The following RFTN1 variants were observed in gnomAD, a reference collection of about 807,000 sequenced individuals.
RFTN1 encodes the protein raftlin.
Under a neutral mutation model 46.5 loss-of-function variants are expected in RFTN1, and 26 were observed. The observed-to-expected ratio is 0.56, with a 90% CI of 0.41 to 0.78. RFTN1 has a LOEUF of 0.78. Ranked by LOEUF, RFTN1 falls within the 30% of genes least tolerant of loss-of-function variation. RFTN1 has a pLI of 0.00. For missense variants in RFTN1, 693 were observed against 718.7 expected (o/e 0.96, Z 0.41); for synonymous variants, 261 against 284.2 (o/e 0.92, Z 0.82).
rs147414572 is a variant in RFTN1, at chr3:16,400,803, G to C, written c.441+8572C>G. On this transcript the variant is annotated intron_variant, in intron 4 of 9. Coordinates refer to ENST00000334133, the MANE Select transcript of RFTN1 (RefSeq NM_015150.2). The surrounding 1 kb of genome is among the most constrained non-coding windows in gnomAD (Gnocchi z 4.5). Reference sequence around the variant, plus strand: ...AGGATCAAGAGAGGCCAGGGTGGGAGAGGAACTTCATAAGAAAACAGCGGC... The same window carrying C: ...AGGATCAAGAGAGGCCAGGGTGGGACAGGAACTTCATAAGAAAACAGCGGC... 8.1e-3 allele frequency among the ~76,000 whole-genome samples: 1,234 copies of C among 152,260 alleles called. 11 individuals carry two copies. The highest frequency in any genetic ancestry group is 0.011 in the Non-Finnish European group (771 of 68,010).
chr3:16,335,794 AAG>A lies in RFTN1; in HGVS notation c.1147-8920_1147-8919del, dbSNP rs1559829038. On this transcript the variant is annotated intron_variant, in intron 7 of 9. Coordinates refer to ENST00000334133, the MANE Select transcript of RFTN1 (RefSeq NM_015150.2). This position sits in a 1 kb window ranked among gnomAD's most constrained non-coding sequence, Gnocchi z 4.7. ...GGAACTTTAAAAAAAAAAAAAAAAAAAGGAGTTTGATCACACCATCAAATATC... is the reference window on the plus strand; with the variant it reads ...GGAACTTTAAAAAAAAAAAAAAAAAAGAGTTTGATCACACCATCAAATATC... Among the ~76,000 whole-genome samples, 8 of 140,146 alleles carry A rather than the reference AAG, an allele frequency of 5.7e-5. No individual in the cohort carries two copies. The allele number at this position is 140,146 out of a possible 152,430, so 91.9% of individuals were successfully genotyped here.
chr3:16,476,443 T>C lies in RFTN1; in HGVS notation c.145+17282A>G, dbSNP rs115727564. Among the ~76,000 whole-genome samples the C allele has an allele frequency of 1.3e-3, 205 of 152,190 alleles. 1 individual carries two copies. Among genetic ancestry groups the C allele is most frequent in the Middle Eastern group, 6.8e-3 (2 of 294 alleles). On this transcript the variant is annotated intron_variant, in intron 2 of 9. Transcript: ENST00000334133. Reference sequence around the variant, plus strand: ...GACATGGTAAATACCACATAAACAATAATATGATTTCAGATGATCGTAAGT... The same window carrying C: ...GACATGGTAAATACCACATAAACAACAATATGATTTCAGATGATCGTAAGT...
chr3:16,421,745 T>G lies in RFTN1; in HGVS notation c.332+12106A>C, dbSNP rs1053821451. ...ATTTCCACATGAGAGAGAGAAGGAT[T>G]TTACATTTACATTACGGGTATTCTC... On this transcript the variant is annotated intron_variant, in intron 3 of 9. Transcript: ENST00000334133. This position sits in a 1 kb window ranked among gnomAD's most constrained non-coding sequence, Gnocchi z 4.6. 1.3e-5 allele frequency among the ~76,000 whole-genome samples: 2 copies of G among 152,146 alleles called. No individual in the cohort carries two copies. The highest frequency in any genetic ancestry group is 4.8e-5 in the African/African-American group (2 of 41,410).
In RFTN1 at chr3:16,507,478, C is replaced by A. The variant is rs1438437940; in HGVS notation, c.-9+5964G>T. ...TCTATGATTAACCAAATCTCTTACC[C>A]AACTTTCTGAGTAAAATCTATTACA... On this transcript the variant is annotated intron_variant, in intron 1 of 9. Transcript: ENST00000334133. This position sits in a 1 kb window ranked among gnomAD's most constrained non-coding sequence, Gnocchi z 7.1. 6.6e-6 allele frequency among the ~76,000 whole-genome samples: 1 copy of A among 152,094 alleles called. No homozygotes were observed. The highest frequency in any genetic ancestry group is 1.5e-5 in the Non-Finnish European group (1 of 68,018).
At chr3:16,415,262 G>A (rs913894798) in intron 3 of RFTN1, among the ~76,000 whole-genome samples, 6 of 151,900 alleles carry the variant, frequency 3.9e-5, no homozygotes, top group African/African-American at 1.5e-4. Flanking sequence ...TTAGCAACTG[G>A]GAGAATGGAT....
chr3:16,357,753 C>A (rs769487632), intron 7 of RFTN1, among the ~76,000 whole-genome samples, 179 bp downstream of exon 7: 1 of 152,060 alleles, frequency 6.6e-6, no homozygotes, highest in Non-Finnish European at 1.5e-5. Context: ...CCCACCCCTA[C>A]CTGGGGGTGG....
rs1244683039 is a variant in RFTN1 at position 16,512,400 on chromosome 3, CAG to C, written c.-9+1040_-9+1041del. On this transcript the variant is annotated intron_variant, in intron 1 of 9. Coordinates refer to ENST00000334133, the MANE Select transcript of RFTN1 (RefSeq NM_015150.2). This position sits in a 1 kb window ranked among gnomAD's most constrained non-coding sequence, Gnocchi z 4.3. ...TGCTGGAAACTGGGGTGACCACTGA[CAG>C]AGATTGAGCCAGACTTTTTTTTTAA... Among the ~76,000 whole-genome samples the C allele has an allele frequency of 1.4e-5, 2 of 146,580 alleles. No homozygotes were observed. The highest frequency in any genetic ancestry group is 2.0e-4 in the East Asian group (1 of 5,016).
rs1232913808 is a variant in RFTN1, at chr3:16,410,610, T to A, written c.333-1127A>T. ...AATTAAAGATGCATTAAAGAAAGAC[T>A]ACTGAGCAACTAAAAGAAATTCTGG... On this transcript the variant is annotated intron_variant, in intron 3 of 9. Coordinates refer to ENST00000334133, the MANE Select transcript of RFTN1 (RefSeq NM_015150.2). The surrounding 1 kb of genome is among the most constrained non-coding windows in gnomAD (Gnocchi z 4.6). Among the ~76,000 whole-genome samples the A allele has an allele frequency of 6.6e-6, 1 of 152,174 alleles. No homozygotes were observed. Among genetic ancestry groups the A allele is most frequent in the Non-Finnish European group, 1.5e-5 (1 of 68,022 alleles).
In RFTN1 at chr3:16,410,224, C is replaced by A. The variant is rs1041469957; in HGVS notation, c.333-741G>T. Among the ~76,000 whole-genome samples the A allele has an allele frequency of 2.7e-5, 2 of 75,050 alleles. No individual in the cohort carries two copies. The highest frequency in any genetic ancestry group is 6.3e-3 in the Middle Eastern group (1 of 158). The allele number at this position is 75,050 out of a possible 152,430, so 49.2% of individuals were successfully genotyped here. A position where few individuals can be genotyped will look rare whatever the true frequency, so the allele number is the denominator to read the frequency against. ...AGCTTACATGTTATACACACACACA[C>A]ACACACACACACACACACACACACA... On this transcript the variant is annotated intron_variant, in intron 3 of 9. Coordinates refer to ENST00000334133, the MANE Select transcript of RFTN1 (RefSeq NM_015150.2). This position sits in a 1 kb window ranked among gnomAD's most constrained non-coding sequence, Gnocchi z 4.6.
In RFTN1 at chr3:16,377,830, G is replaced by A; in HGVS notation, c.714C>T (p.Ser238=). The A allele has an allele frequency of 6.2e-7, 1 of 1,614,140 alleles. No homozygotes were observed. The highest frequency in any genetic ancestry group is 8.5e-7 in the Non-Finnish European group (1 of 1,179,974). ...CACCATCTCCCTCTCCGGAGGGTGA[G>A]CTGGGCTGCTTGGCGAGGGGCACCT... ...RGEVPLAKQP[S]SPSGEGDGGE... The change falls in exon 5 of 10, where the codon AGC becomes AGT. Residue 238 remains serine (S), a synonymous_variant. Coordinates refer to ENST00000334133, the MANE Select transcript of RFTN1 (RefSeq NM_015150.2).
rs1320524929 is a variant in RFTN1, at chr3:16,385,425, T to C, written c.442-7323A>G. 3.9e-5 allele frequency among the ~76,000 whole-genome samples: 6 copies of C among 152,160 alleles called. No individual in the cohort carries two copies. Among genetic ancestry groups the C allele is most frequent in the African/African-American group, 1.2e-4 (5 of 41,424 alleles). On this transcript the variant is annotated intron_variant, in intron 4 of 9. Coordinates refer to ENST00000334133, the MANE Select transcript of RFTN1 (RefSeq NM_015150.2). The surrounding 1 kb of genome is among the most constrained non-coding windows in gnomAD (Gnocchi z 5.0). The stretch of plus-strand genomic sequence containing the variant: ...GAAAGATCATGTAAACTTTCTGCTG[T>C]TGTGGTTTTCTCATTTAGCGACTGA...
rs1031855297 is a variant in RFTN1 at position 16,322,670 on chromosome 3, A to G, written c.1332+706T>C. On this transcript the variant is annotated intron_variant, in intron 9 of 9. Transcript: ENST00000334133. The surrounding 1 kb of genome is among the most constrained non-coding windows in gnomAD (Gnocchi z 6.2). ...GGAAGCATCAGAATCATCTGGCACA[A>G]GGGTTGCCGACACTTGCACCTCGTA... Among the ~76,000 whole-genome samples, 2 of 152,184 alleles carry G rather than the reference A, an allele frequency of 1.3e-5. No homozygotes were observed. Among genetic ancestry groups the G allele is most frequent in the Non-Finnish European group, 2.9e-5 (2 of 68,032 alleles).
At position 16,427,297 on chromosome 3, in the gene RFTN1, G is replaced by C. The variant is rs150931782; in HGVS notation, c.332+6554C>G. ...CTTCCCAAGAGTCCCCATTCAATGA[G>C]CCAGGCCACTGTAGGGATCTGAGCT... On this transcript the variant is annotated intron_variant, in intron 3 of 9. Coordinates refer to ENST00000334133, the MANE Select transcript of RFTN1 (RefSeq NM_015150.2). The surrounding 1 kb of genome is among the most constrained non-coding windows in gnomAD (Gnocchi z 5.4). Among the ~76,000 whole-genome samples the C allele has an allele frequency of 6.6e-6, 1 of 152,198 alleles. No homozygotes were observed. The highest frequency in any genetic ancestry group is 2.4e-5 in the African/African-American group (1 of 41,434).
Position 16,338,817 on chromosome 3 carries a change from TA to T in RFTN1, c.1147-11942del, listed in dbSNP as rs1032785165. Among the ~76,000 whole-genome samples, 2 of 152,220 alleles carry T rather than the reference TA, an allele frequency of 1.3e-5. No individual in the cohort carries two copies. Among genetic ancestry groups the T allele is most frequent in the African/African-American group, 4.8e-5 (2 of 41,458 alleles). On this transcript the variant is annotated intron_variant, in intron 7 of 9. Transcript: ENST00000334133. This position sits in a 1 kb window ranked among gnomAD's most constrained non-coding sequence, Gnocchi z 5.3. The stretch of plus-strand genomic sequence containing the variant: ...AAAAAAGGAGCTTTTCCAAAGTGTA[TA>T]ATTAAAAAGTTGTTTATTTTGGAGT...
In RFTN1 at chr3:16,440,916, G is replaced by A. The variant is rs537807805; in HGVS notation, c.146-6879C>T. Among the ~76,000 whole-genome samples the A allele has an allele frequency of 2.0e-5, 3 of 152,242 alleles. No homozygotes were observed. Among genetic ancestry groups the A allele is most frequent in the Non-Finnish European group, 2.9e-5 (2 of 68,024 alleles). ...TTTCTGATCCTGCCACTGTCCAGGC[G>A]CAGTGTGAGCATCAGTCATACATGG... On this transcript the variant is annotated intron_variant, in intron 2 of 9. Coordinates refer to ENST00000334133, the MANE Select transcript of RFTN1 (RefSeq NM_015150.2). This position sits in a 1 kb window ranked among gnomAD's most constrained non-coding sequence, Gnocchi z 4.6.
Position 16,425,574 on chromosome 3 carries a change from G to C in RFTN1, c.332+8277C>G, listed in dbSNP as rs533752006. On this transcript the variant is annotated intron_variant, in intron 3 of 9. Transcript: ENST00000334133. This position sits in a 1 kb window ranked among gnomAD's most constrained non-coding sequence, Gnocchi z 4.3. ...ATGAGCTCTCACACCAACCATGCAC[G>C]TCTCCTTCTTGTTCTCTCCACCGGG... Among the ~76,000 whole-genome samples the C allele has an allele frequency of 7.2e-5, 11 of 152,268 alleles. 1 individual carries two copies. In the South Asian group the frequency reaches 2.3e-3, roughly 32 times the overall value.
intron 6 of RFTN1, among the ~76,000 whole-genome samples, chr3:16,369,318 A>G (rs7625000): frequency 0.07 from 10,610 of 152,240 alleles, 736 homozygotes; most frequent in African/African-American, 0.18. Flanking sequence ...GGGATTGACA[A>G]ATTTGGTGTT....
At position 16,341,316 on chromosome 3, in the gene RFTN1, T is replaced by A. The variant is rs2071304387; in HGVS notation, c.1147-14440A>T. On this transcript the variant is annotated intron_variant, in intron 7 of 9. Transcript: ENST00000334133. The surrounding 1 kb of genome is among the most constrained non-coding windows in gnomAD (Gnocchi z 4.7). ...TCATACTCCTTGGTATTTACCCAAA[T>A]AAGCTGAAAACTTTTGTCCACACAG... 6.6e-6 allele frequency among the ~76,000 whole-genome samples: 1 copy of A among 152,262 alleles called. No homozygotes were observed. Among genetic ancestry groups the A allele is most frequent in the Admixed American group, 6.5e-5 (1 of 15,290 alleles).
chr3:16,424,815 A>C lies in RFTN1; in HGVS notation c.332+9036T>G, dbSNP rs1023619378. On this transcript the variant is annotated intron_variant, in intron 3 of 9. Transcript: ENST00000334133. The surrounding 1 kb of genome is among the most constrained non-coding windows in gnomAD (Gnocchi z 4.7). Reference sequence around the variant, plus strand: ...TAAATCATTAATAATGTACTTATATACATCTAAACATTATATCTCACCTAC... The same window carrying C: ...TAAATCATTAATAATGTACTTATATCCATCTAAACATTATATCTCACCTAC... 1.4e-4 allele frequency among the ~76,000 whole-genome samples: 22 copies of C among 152,318 alleles called. No homozygotes were observed. The highest frequency in any genetic ancestry group is 9.1e-4 in the Admixed American group (14 of 15,304).
Sources: allele counts gnomAD v4.1 joint callset (sites outside exome capture counted in the v4.1 genomes callset), GRCh38; gene constraint gnomAD v4.1.1; non-coding constraint Gnocchi (gnomAD v3.1); transcripts MANE v1.5; gene names NCBI Gene and HGNC (gene_info 2026-07-23, HGNC 2026-07-21).